The following EIF3H variants were observed in gnomAD, a reference collection of about 807,000 sequenced individuals.
EIF3H encodes eIF-3-gamma.
In EIF3H, 26 loss-of-function variants were observed where a neutral mutation model predicts 44.2. The ratio of observed to expected loss-of-function variants is 0.59; its 90% confidence interval spans 0.43 to 0.82. The LOEUF is 0.82. EIF3H is among the 40% of genes least tolerant of loss of function. EIF3H has a pLI of 0.00. For missense variants in EIF3H, 359 were observed against 432.8 expected (o/e 0.83, Z 1.51); for synonymous variants, 166 against 151.9 (o/e 1.09, Z -0.68).
chr8:116,705,124 T>C (rs1049970304), intron 2 of EIF3H, among the ~76,000 whole-genome samples: 4 of 152,218 alleles, frequency 2.6e-5, no homozygotes, highest in Non-Finnish European at 5.9e-5. Context: ...CGGTCAGAGA[T>C]GGATCCTAAT....
Position 116,684,318 on chromosome 8 carries a change from T to C in EIF3H, c.290-25338A>G, listed in dbSNP as rs185651232. Among the ~76,000 whole-genome samples the C allele has an allele frequency of 4.4e-3, 673 of 152,230 alleles. 7 individuals are homozygous for C. Among genetic ancestry groups the C allele is most frequent in the Middle Eastern group, 0.014 (4 of 294 alleles). On this transcript the variant is annotated intron_variant, in intron 2 of 7. Coordinates refer to ENST00000521861, the MANE Select transcript of EIF3H (RefSeq NM_003756.3). ...TTTTTCCAAAGTATTTGATTGAAAG[T>C]AGAAAAAACAGAGAGTGAATTTTCT...
At chr8:116,667,237 A>G (rs1304692028) in intron 2 of EIF3H, among the ~76,000 whole-genome samples, 5 of 152,194 alleles carry the variant, frequency 3.3e-5, no homozygotes, top group African/African-American at 1.2e-4. Flanking sequence ...ATCAGATCTT[A>G]AAGTAGGTGA....
intron 5 of EIF3H, among the ~76,000 whole-genome samples, chr8:116,649,150 G>C (rs1813350851): frequency 6.6e-6 from 1 of 152,168 alleles, no homozygotes; most frequent in African/African-American, 2.4e-5. Context: ...AAATAGCTGA[G>C]TTTCTTATTG....
chr8:116,738,495 C>A (rs1815079637), intron 1 of EIF3H, among the ~76,000 whole-genome samples: 1 of 152,166 alleles, frequency 6.6e-6, no homozygotes, highest in Non-Finnish European at 1.5e-5. Context: ...TGCACATATA[C>A]ACACACCATC....
At chr8:116,725,888 C>A in intron 2 of EIF3H, 128 bp downstream of exon 2, 6 of 1,108,766 alleles carry the variant, frequency 5.4e-6, no homozygotes, top group Non-Finnish European at 7.5e-6. Context: ...CCCAAAGTAT[C>A]AGACATCAAG....
intron 1 of EIF3H, among the ~76,000 whole-genome samples, chr8:116,740,192 C>T (rs1189231187): frequency 1.3e-5 from 2 of 152,214 alleles, no homozygotes; most frequent in Non-Finnish European, 2.9e-5. Context: ...TATTTCCCAA[C>T]TCCCAAAACT....
chr8:116,677,451 T>C lies in EIF3H; in HGVS notation c.290-18471A>G, dbSNP rs533196489. ...ATGTGGCTGGATCCCCATTTTTACA[T>C]GTCCTAATGTCCCCCATGATTTAGC... On this transcript the variant is annotated intron_variant, in intron 2 of 7. Coordinates refer to ENST00000521861, the MANE Select transcript of EIF3H (RefSeq NM_003756.3). 9.2e-4 allele frequency among the ~76,000 whole-genome samples: 140 copies of C among 152,368 alleles called. 1 individual carries two copies. The highest frequency in any genetic ancestry group is 2.4e-4 in the Non-Finnish European group (16 of 68,032).
At chr8:116,664,382 A>G (rs1334321601) in intron 2 of EIF3H, among the ~76,000 whole-genome samples, 1 of 152,216 alleles carries the variant, frequency 6.6e-6, no homozygotes, top group Non-Finnish European at 1.5e-5. Flanking sequence ...TATATATCTG[A>G]AGTTGCAATG....
intron 1 of EIF3H, among the ~76,000 whole-genome samples, chr8:116,738,236 A>AT (rs991676801): frequency 1.3e-5 from 2 of 152,138 alleles, no homozygotes; most frequent in African/African-American, 4.8e-5. Context: ...CTAACGTTTC[A>AT]TTTTTTCTGA....
chr8:116,732,379 A>G (rs74315998), intron 1 of EIF3H, among the ~76,000 whole-genome samples: 1,627 of 152,336 alleles, frequency 0.011, 8 homozygotes, highest in Non-Finnish European at 0.015. Flanking sequence ...TCTAAAATTT[A>G]GAAGAGTTAA....
chr8:116,736,656 C>G (rs963040153), intron 1 of EIF3H, among the ~76,000 whole-genome samples: 10 of 151,700 alleles, frequency 6.6e-5, no homozygotes, highest in Admixed American at 1.3e-4. Context: ...AGCAAGACTC[C>G]GTCTCACAAA....
intron 2 of EIF3H, among the ~76,000 whole-genome samples, chr8:116,663,858 G>A (rs1211137132): frequency 3.3e-5 from 5 of 150,056 alleles, no homozygotes; most frequent in African/African-American, 1.2e-4. Flanking sequence ...TTGAGCCCGT[G>A]AGGCAGATGT....
At chr8:116,750,260 G>GT (rs1397932781) in intron 1 of EIF3H, among the ~76,000 whole-genome samples, 4 of 152,270 alleles carry the variant, frequency 2.6e-5, no homozygotes, top group Non-Finnish European at 4.4e-5. Context: ...AAAAAACAGA[G>GT]TAAGTCGATT....
intron 1 of EIF3H, among the ~76,000 whole-genome samples, chr8:116,731,336 G>A (rs1485478079): frequency 1.3e-5 from 2 of 152,140 alleles, no homozygotes; most frequent in Non-Finnish European, 2.9e-5. Context: ...ACTGATACCG[G>A]CTGGGTTCCT....
At chr8:116,755,478 T>G (rs1359785767) in intron 1 of EIF3H, among the ~76,000 whole-genome samples, 188 bp downstream of exon 1, 1 of 152,186 alleles carries the variant, frequency 6.6e-6, no homozygotes, top group Non-Finnish European at 1.5e-5. Context: ...AACTGTCCCG[T>G]TAGAAGACAA....
intron 4 of EIF3H, among the ~76,000 whole-genome samples, chr8:116,656,474 C>G (rs1164706626): frequency 6.6e-6 from 1 of 152,074 alleles, no homozygotes; most frequent in Non-Finnish European, 1.5e-5. Flanking sequence ...TTAGAACATG[C>G]CAAGAACACA....
chr8:116,667,862 C>A (rs1051886552), intron 2 of EIF3H, among the ~76,000 whole-genome samples: 1 of 152,144 alleles, frequency 6.6e-6, no homozygotes, highest in Admixed American at 6.5e-5. Context: ...TCTCTCTAGG[C>A]CTTAATTTCC....
At chr8:116,756,041 T>G, upstream of EIF3H, 1 of 1,523,170 alleles carries the variant, frequency 6.6e-7, no homozygotes, top group Non-Finnish European at 8.8e-7. Flanking sequence ...GTAAACTTTT[T>G]AAATGTTTAA....
At chr8:116,730,764 C>A (rs1255342536) in intron 1 of EIF3H, among the ~76,000 whole-genome samples, 1 of 152,140 alleles carries the variant, frequency 6.6e-6, no homozygotes, top group Non-Finnish European at 1.5e-5. Context: ...CAGATACTGG[C>A]ACATAAAAGA....
Sources: allele counts gnomAD v4.1 joint callset (sites outside exome capture counted in the v4.1 genomes callset), GRCh38; gene constraint gnomAD v4.1.1; transcripts MANE v1.5; gene names NCBI Gene and HGNC (gene_info 2026-07-23, HGNC 2026-07-21).